Variants in LIPJ observed in about 807,000 individuals in gnomAD.
LIPJ encodes lipase member J.
Under a neutral mutation model 39.8 loss-of-function variants are expected in LIPJ, and 33 were observed. The observed-to-expected ratio is 0.83, with a 90% CI of 0.63 to 1.11. The LOEUF (loss-of-function observed/expected upper bound fraction) is 1.11. Ranked by LOEUF, LIPJ falls within the 50% of genes least tolerant of loss-of-function variation. LIPJ has a pLI of 0.00. For missense variants in LIPJ, 422 were observed against 427.9 expected, an observed-to-expected ratio of 0.99 and a Z score of 0.12; for synonymous variants, 128 against 139.2, an observed-to-expected ratio of 0.92 and a Z score of 0.57.
At chr10:88,616,419 T>C in the LIPJ span, among the ~76,000 whole-genome samples, 4 of 152,060 alleles carry the variant, frequency 2.6e-5, no homozygotes, top group Non-Finnish European at 5.9e-5. Context: ...CTCAGACCAT[T>C]AGGAAGCAGG....
At chr10:88,587,327 A>C (rs1850942003) in exon 2 of LIPJ, 1 of 152,102 alleles carries the variant, frequency 6.6e-6, no homozygotes, top group African/African-American at 2.4e-5. Context: ...TAAAAGAAAC[A>C]CAATATATGA....
At chr10:88,598,683 C>T (rs1160279330) in intron 8 of LIPJ, among the ~76,000 whole-genome samples, 1 of 151,792 alleles carries the variant, frequency 6.6e-6, no homozygotes, top group Non-Finnish European at 1.5e-5. Flanking sequence ...ATGAAAGCTA[C>T]TGTGCACTTC....
rs537675410 is a variant in LIPJ, at chr10:88,599,056, G to T, written c.723+2120G>T. ...TATATAGAGGACATGATAAATACCT[G>T]AGAAGAATGTTTCTGTTAAAAATTT... is the stretch of plus-strand genomic sequence containing the variant. On this transcript the variant is annotated intron_variant, in intron 8 of 10. Coordinates refer to ENST00000371939, the Ensembl canonical transcript of LIPJ. 1.2e-3 allele frequency among the ~76,000 whole-genome samples: 174 copies of T among 147,378 alleles called. 2 individuals are homozygous for T. Among genetic ancestry groups the T allele is most frequent in the African/African-American group, 4.0e-3 (161 of 39,958 alleles).
intron 7 of LIPJ, 90 bp downstream of exon 7, chr10:88,596,506 C>A: frequency 1.5e-6 from 2 of 1,327,290 alleles, no homozygotes; most frequent in Non-Finnish European, 1.0e-6. Context: ...CGTAGACAAC[C>A]ACAAGTATGG....
upstream of LIPJ, chr10:88,583,440 TG>T (rs1850783078): frequency 7.5e-7 from 1 of 1,338,272 alleles, no homozygotes; most frequent in Non-Finnish European, 9.6e-7. Context: ...CTTCTCGCTT[TG>T]GGGGCCGGGC....
At chr10:88,599,756 GT>G (rs1234619320) in intron 8 of LIPJ, among the ~76,000 whole-genome samples, 10 of 149,020 alleles carry the variant, frequency 6.7e-5, no homozygotes, top group Admixed American at 3.3e-4. Flanking sequence ...AATTTTTATG[GT>G]TTTTTTTGTT....
chr10:88,602,434 T>C, intron 8 of LIPJ, 142 bp from the exon 9 acceptor site: 1 of 533,286 alleles, frequency 1.9e-6, no homozygotes, highest in Non-Finnish European at 3.1e-6. Context: ...TTAATTAAAA[T>C]AATTTGATGA....
downstream of LIPJ, among the ~76,000 whole-genome samples, chr10:88,608,817 A>T (rs556874667): frequency 6.6e-6 from 1 of 152,264 alleles, no homozygotes; most frequent in South Asian, 2.1e-4. Flanking sequence ...TGGAAAAAAA[A>T]CTCCAACTCT....
rs755330817 is a variant in LIPJ, at chr10:88,591,477, A to G, written c.109A>G (p.Thr37Ala). 8 of 1,599,788 alleles carry G rather than the reference A, an allele frequency of 5.0e-6. No homozygotes were observed. The Admixed American group carries it at 1.2e-4, about 24-fold the overall frequency. Residue 37 changes from threonine (T) to alanine (A), a missense_variant, in exon 4 of 11, where the codon ACA (threonine) becomes GCA (alanine). Transcript: ENST00000371939. ...CCTTTATAGAATTCCTTATTGGAGG[A>G]CAGACAATAATAAAAATCTAGGTAA...
At chr10:88,607,404 A>C (rs1033948021), downstream of LIPJ, among the ~76,000 whole-genome samples, 2 of 152,176 alleles carry the variant, frequency 1.3e-5, no homozygotes, top group Admixed American at 1.3e-4. Flanking sequence ...TGATTATTTC[A>C]GGCAAAGTCC....
At chr10:88,605,891 T>C (rs964825469) in intron 10 of LIPJ, among the ~76,000 whole-genome samples, 187 bp downstream of exon 10, 2 of 152,180 alleles carry the variant, frequency 1.3e-5, no homozygotes, top group African/African-American at 4.8e-5. Context: ...ATGTTTTCTA[T>C]GTATTTTAAC....
In LIPJ at chr10:88,597,590, G is replaced by A. The variant is rs573741887; in HGVS notation, c.723+654G>A. Among the ~76,000 whole-genome samples the A allele has an allele frequency of 2.6e-5, 4 of 151,994 alleles. No homozygotes were observed. In the South Asian group the frequency reaches 8.3e-4, roughly 31 times the overall value. On this transcript the variant is annotated intron_variant, in intron 8 of 10. Transcript: ENST00000371939. ...CTGGACCTTTTAAGAGCTTCTCAAAGAGAGCCAATATAGACATTCAAAGAA... is the reference window on the plus strand; with the variant it reads ...CTGGACCTTTTAAGAGCTTCTCAAAAAGAGCCAATATAGACATTCAAAGAA...
chr10:88,585,515 G>A (rs1264935097), upstream of LIPJ: 1 of 152,170 alleles, frequency 6.6e-6, no homozygotes, highest in Non-Finnish European at 1.5e-5. Context: ...ACAGTGAACA[G>A]AATATGGTAA....
intron 8 of LIPJ, among the ~76,000 whole-genome samples, chr10:88,600,852 C>T (rs1290309739): frequency 6.6e-6 from 1 of 152,194 alleles, no homozygotes. Context: ...TGGCAATGGC[C>T]TTCTTGCTAT....
chr10:88,583,279 C>G (rs369796318), upstream of LIPJ: 1 of 1,562,286 alleles, frequency 6.4e-7, no homozygotes, highest in Admixed American at 1.8e-5. Flanking sequence ...CCGGCGCTAG[C>G]GCTCTTTGGT....
At chr10:88,584,095 G>C (rs1385804094), upstream of LIPJ, 1 of 152,000 alleles carries the variant, frequency 6.6e-6, no homozygotes, top group African/African-American at 2.4e-5. Flanking sequence ...AACCGAATAA[G>C]TATCAGAACC....
upstream of LIPJ, chr10:88,584,413 A>G (rs779353712): frequency 5.3e-5 from 8 of 150,076 alleles, no homozygotes; most frequent in Non-Finnish European, 1.2e-4. Context: ...GAAAGATTAA[A>G]GTTAATATTA....
chr10:88,595,701 AAATAAATAAAT>A (rs1304879829), intron 6 of LIPJ, among the ~76,000 whole-genome samples: 1 of 151,550 alleles, frequency 6.6e-6, no homozygotes, highest in Admixed American at 6.6e-5. Flanking sequence ...AACCTGACCT[AAATAAATAAAT>A]AATAAATAAA....
chr10:88,598,944 T>TTTTTAATTAA (rs1291519932), intron 8 of LIPJ, among the ~76,000 whole-genome samples: 8 of 118,480 alleles, frequency 6.8e-5, no homozygotes, highest in African/African-American at 2.8e-4. Context: ...TAATATTTTA[T>TTTTTAATTAA]ATTGTATTTA....
Sources: gnomAD v4.1 joint callset for allele counts (sites outside exome capture counted in the v4.1 genomes callset) on GRCh38, gnomAD v4.1.1 for gene constraint, MANE v1.5 for transcripts, NCBI Gene and HGNC (gene_info 2026-07-23, HGNC 2026-07-21) for gene names.